THSD7B: variants seen among roughly 807,000 people sequenced by gnomAD.
THSD7B encodes thrombospondin type 1 domain containing 7B.
Under a neutral mutation model 213.6 loss-of-function variants are expected in THSD7B, and 138 were observed. The observed-to-expected ratio is 0.65, with a 90% CI of 0.56 to 0.74. The LOEUF (loss-of-function observed/expected upper bound fraction) is 0.74, where lower values mean the gene tolerates loss of function less well. THSD7B is among the 30% of genes least tolerant of loss of function. The probability of loss-of-function intolerance (pLI) is 0.00; values close to 1 mark genes in which losing one functional copy is unlikely to be tolerated. For missense variants in THSD7B, 1,931 were observed against 1,991.5 expected (o/e 0.97, Z 0.58); for synonymous variants, 742 against 687.0 (o/e 1.08, Z -1.25).
At chr2:136,784,266 A>G (rs1357969229) in intron 1 of THSD7B, among the ~76,000 whole-genome samples, 1 of 152,198 alleles carries the variant, frequency 6.6e-6, no homozygotes, top group African/African-American at 2.4e-5. Flanking sequence ...ATCAAAATGG[A>G]GCTTTTACAA....
intron 1 of THSD7B, among the ~76,000 whole-genome samples, chr2:136,792,146 A>G (rs1447171192): frequency 2.0e-5 from 3 of 152,000 alleles, no homozygotes; most frequent in African/African-American, 7.2e-5. Flanking sequence ...GCATGTCACA[A>G]TCTAGGATTG....
chr2:137,048,791 C>G (rs974638367), intron 2 of THSD7B, among the ~76,000 whole-genome samples: 35 of 152,154 alleles, frequency 2.3e-4, no homozygotes, highest in African/African-American at 8.4e-4. Flanking sequence ...ATCAGGGACG[C>G]AGCTTAAAAT....
chr2:137,197,297 A>C (rs1278045441), intron 7 of THSD7B, among the ~76,000 whole-genome samples: 2 of 152,154 alleles, frequency 1.3e-5, no homozygotes, highest in Non-Finnish European at 2.9e-5. Flanking sequence ...GGAAGGAAGA[A>C]GTTGGAGGAG....
intron 12 of THSD7B, among the ~76,000 whole-genome samples, chr2:137,299,637 TAAAG>T (rs1455108856): frequency 6.6e-6 from 1 of 152,078 alleles, no homozygotes; most frequent in African/African-American, 2.4e-5. Flanking sequence ...TTTATTAAGA[TAAAG>T]AAAGATGTAG....
At chr2:137,482,938 A>G (rs573722565) in intron 15 of THSD7B, among the ~76,000 whole-genome samples, 79 of 152,300 alleles carry the variant, frequency 5.2e-4, no homozygotes, top group African/African-American at 1.8e-3. Flanking sequence ...GGACATAAAA[A>G]CATTTCAAGG....
chr2:136,960,687 T>C (rs1372784214), intron 2 of THSD7B, among the ~76,000 whole-genome samples: 1 of 152,136 alleles, frequency 6.6e-6, no homozygotes, highest in East Asian at 1.9e-4. Context: ...TTCTCGAATC[T>C]CCTTCCATAG....
intron 6 of THSD7B, among the ~76,000 whole-genome samples, chr2:137,162,310 TG>T (rs1680034586): frequency 6.6e-6 from 1 of 152,222 alleles, no homozygotes; most frequent in South Asian, 2.1e-4. Flanking sequence ...CAGAAAGAAA[TG>T]TCTTTTCCAT....
chr2:137,045,564 TA>T (rs1686955070), intron 2 of THSD7B, among the ~76,000 whole-genome samples: 1 of 152,236 alleles, frequency 6.6e-6, no homozygotes, highest in Non-Finnish European at 1.5e-5. Context: ...CATAGGTAAC[TA>T]AAACCACAAA....
At chr2:136,929,080 A>G (rs1008114843) in intron 2 of THSD7B, among the ~76,000 whole-genome samples, 3 of 152,186 alleles carry the variant, frequency 2.0e-5, no homozygotes, top group African/African-American at 7.2e-5. Context: ...TAACAGATTG[A>G]TAATACCATT....
chr2:136,983,632 A>G (rs1041295823), intron 2 of THSD7B, among the ~76,000 whole-genome samples: 3 of 152,080 alleles, frequency 2.0e-5, no homozygotes, highest in Non-Finnish European at 4.4e-5. Context: ...CAACATGTTT[A>G]TGGGTCATTA....
chr2:137,585,331 C>G (rs561331702), intron 17 of THSD7B, among the ~76,000 whole-genome samples: 2 of 152,124 alleles, frequency 1.3e-5, no homozygotes, highest in African/African-American at 4.8e-5. Flanking sequence ...TTTTTTGTCT[C>G]TATCTCCTTC....
chr2:137,220,227 C>A (rs1681338703), intron 7 of THSD7B, among the ~76,000 whole-genome samples: 1 of 127,546 alleles, frequency 7.8e-6, no homozygotes, highest in African/African-American at 3.1e-5. Flanking sequence ...CTGCAGAAGA[C>A]ACTGTTTAGA....
intron 12 of THSD7B, among the ~76,000 whole-genome samples, chr2:137,303,730 A>ATATATATTTATATATATATTTT (rs1553437376): frequency 7.9e-6 from 1 of 126,686 alleles, no homozygotes; most frequent in Non-Finnish European, 1.6e-5. Flanking sequence ...ATATATATTT[A>ATATATATTTATATATATATTTT]TATATATATT....
chr2:137,669,397 T>C (rs1273535369), intron 27 of THSD7B, among the ~76,000 whole-genome samples: 1 of 130,834 alleles, frequency 7.6e-6, no homozygotes, highest in Non-Finnish European at 1.6e-5. Flanking sequence ...GTTGTTGTAG[T>C]GAAAAGTTCA....
At chr2:137,372,925 C>T (rs1685563688) in intron 12 of THSD7B, among the ~76,000 whole-genome samples, 1 of 144,654 alleles carries the variant, frequency 6.9e-6, no homozygotes. Flanking sequence ...TCAATTCCCA[C>T]CTATGAGTGT....
intron 15 of THSD7B, among the ~76,000 whole-genome samples, chr2:137,502,808 A>G (rs1394627362): frequency 2.0e-5 from 3 of 152,174 alleles, no homozygotes; most frequent in Admixed American, 6.5e-5. Flanking sequence ...CTCTGATTCC[A>G]TGGTTTATAG....
intron 17 of THSD7B, among the ~76,000 whole-genome samples, chr2:137,592,192 C>A (rs951410208): frequency 6.6e-6 from 1 of 151,630 alleles, no homozygotes; most frequent in Admixed American, 6.6e-5. Flanking sequence ...ATACATATTT[C>A]TCTGCATTAC....
intron 6 of THSD7B, among the ~76,000 whole-genome samples, chr2:137,165,636 A>G (rs1055918118): frequency 3.3e-5 from 5 of 152,118 alleles, no homozygotes; most frequent in Non-Finnish European, 5.9e-5. Context: ...AAACATTGCA[A>G]AACTCTGGGA....
intron 12 of THSD7B, among the ~76,000 whole-genome samples, chr2:137,336,025 A>T (rs1684631331): frequency 6.6e-6 from 1 of 152,128 alleles, no homozygotes; most frequent in Non-Finnish European, 1.5e-5. Context: ...CTTAATTTTC[A>T]AAGAAAGCAG....
Sources: gnomAD v4.1 joint callset for allele counts (sites outside exome capture counted in the v4.1 genomes callset) on GRCh38, gnomAD v4.1.1 for gene constraint, MANE v1.5 for transcripts, NCBI Gene and HGNC (gene_info 2026-07-23, HGNC 2026-07-21) for gene names.